Variants in COL24A1 observed in about 807,000 individuals in gnomAD.
The protein encoded by COL24A1 is collagen alpha-1(XXIV) chain.
A neutral mutation model predicts 253.9 loss-of-function variants in COL24A1; 224 were observed. The observed-to-expected ratio is 0.88, with a 90% CI of 0.79 to 0.99. The LOEUF is 0.99. Ranked by LOEUF, COL24A1 falls within the 50% of genes least tolerant of loss-of-function variation. The pLI is 0.00. For missense variants in COL24A1, 2,131 were observed against 2,068.5 expected (o/e 1.03, Z -0.59); for synonymous variants, 685 against 673.7 (o/e 1.02, Z -0.26).
At chr1:86,031,284 T>C (rs1014200643) in intron 14 of COL24A1, among the ~76,000 whole-genome samples, 7 of 151,730 alleles carry the variant, frequency 4.6e-5, no homozygotes, top group Admixed American at 2.6e-4. Context: ...GTATGATAAA[T>C]AGGTACAAAA....
intron 5 of COL24A1, 118 bp downstream of exon 5, chr1:86,112,449 G>A (rs1705708152): frequency 2.5e-6 from 2 of 790,142 alleles, no homozygotes; most frequent in Non-Finnish European, 2.0e-6. Flanking sequence ...ATGCTCTGGA[G>A]GTGACAGAGA....
At chr1:85,961,860 A>T (rs575566185) in intron 23 of COL24A1, among the ~76,000 whole-genome samples, 1 of 152,260 alleles carries the variant, frequency 6.6e-6, no homozygotes, top group South Asian at 2.1e-4. Context: ...TATCCCAAGA[A>T]TAGCAAGGCG....
intron 31 of COL24A1, among the ~76,000 whole-genome samples, chr1:85,892,853 A>G (rs896732242): frequency 2.0e-5 from 3 of 152,102 alleles, no homozygotes; most frequent in Non-Finnish European, 4.4e-5. Flanking sequence ...ATGGAAAATT[A>G]TGAGAAGAAA....
chr1:86,012,484 G>A (rs973925127), intron 19 of COL24A1, among the ~76,000 whole-genome samples: 1 of 152,192 alleles, frequency 6.6e-6, no homozygotes, highest in African/African-American at 2.4e-5. Context: ...AGCTACCTGG[G>A]AGGCTGAGGC....
At chr1:85,798,517 T>G (rs973758853) in intron 47 of COL24A1, among the ~76,000 whole-genome samples, 1 of 152,156 alleles carries the variant, frequency 6.6e-6, no homozygotes. Flanking sequence ...CAAAATACTG[T>G]GAAGAAAAAA....
rs562872549 is a variant in COL24A1 at position 85,949,333 on chromosome 1, C to T, written c.2562+11916G>A. Reference sequence around the variant, plus strand: ...ATATCTAATACACAGGAAGAAAGTGCTAAAAATTACAAAAGACTACATTTT... The same window carrying T: ...ATATCTAATACACAGGAAGAAAGTGTTAAAAATTACAAAAGACTACATTTT... On this transcript the variant is annotated intron_variant, in intron 24 of 59. Coordinates refer to ENST00000370571, the MANE Select transcript of COL24A1 (RefSeq NM_152890.7). Among the ~76,000 whole-genome samples the T allele has an allele frequency of 2.4e-4, 36 of 152,048 alleles. No homozygotes were observed. The East Asian group carries it at 4.8e-3, about 20-fold the overall frequency.
chr1:85,736,976 T>C (rs7530774), intron 58 of COL24A1, among the ~76,000 whole-genome samples: 5,693 of 152,204 alleles, frequency 0.037, 383 homozygotes, highest in African/African-American at 0.13. Context: ...ATGTGCCCAA[T>C]AACCATAAAT....
chr1:86,032,416 C>T (rs1698655937), intron 13 of COL24A1, among the ~76,000 whole-genome samples: 1 of 152,028 alleles, frequency 6.6e-6, no homozygotes, highest in Non-Finnish European at 1.5e-5. Context: ...GTAAATATCA[C>T]AATGAAATTT....
At chr1:85,836,803 G>T (rs1164354704) in intron 43 of COL24A1, among the ~76,000 whole-genome samples, 1 of 152,158 alleles carries the variant, frequency 6.6e-6, no homozygotes, top group East Asian at 1.9e-4. Flanking sequence ...ATTATCAGGG[G>T]TATACAAGGA....
intron 12 of COL24A1, among the ~76,000 whole-genome samples, chr1:86,044,734 G>A (rs1037325773): frequency 6.6e-6 from 1 of 152,062 alleles, no homozygotes; most frequent in African/African-American, 2.4e-5. Context: ...ACCAGAAGTT[G>A]TCTATAAAGG....
chr1:85,869,252 T>C (rs1205977191), intron 35 of COL24A1, among the ~76,000 whole-genome samples: 1 of 152,196 alleles, frequency 6.6e-6, no homozygotes, highest in African/African-American at 2.4e-5. Context: ...TTATGACCAC[T>C]CTACCAGATT....
intron 28 of COL24A1, among the ~76,000 whole-genome samples, chr1:85,905,361 T>G (rs1684702736): frequency 6.6e-6 from 1 of 152,040 alleles, no homozygotes. Flanking sequence ...TAGTGGGGAA[T>G]GGATTGAAGA....
intron 22 of COL24A1, among the ~76,000 whole-genome samples, 186 bp from the exon 23 acceptor site, chr1:85,965,248 G>A (rs994822065): frequency 6.6e-6 from 1 of 151,958 alleles, no homozygotes; most frequent in African/African-American, 2.4e-5. Context: ...TCTACTATGT[G>A]CCATGAACGG....
chr1:85,818,868 C>T (rs1673309535), intron 45 of COL24A1, among the ~76,000 whole-genome samples: 1 of 152,172 alleles, frequency 6.6e-6, no homozygotes, highest in Non-Finnish European at 1.5e-5. Context: ...GATAATCCCA[C>T]TAAAATGGGA....
At chr1:86,127,610 C>T (rs1047320326) in intron 2 of COL24A1, among the ~76,000 whole-genome samples, 8 of 151,928 alleles carry the variant, frequency 5.3e-5, no homozygotes, top group Non-Finnish European at 1.2e-4. Context: ...TTATAAATTT[C>T]CCATCTGTAT....
intron 24 of COL24A1, among the ~76,000 whole-genome samples, chr1:85,934,231 C>T (rs1688058517): frequency 6.6e-6 from 1 of 152,130 alleles, no homozygotes; most frequent in Non-Finnish European, 1.5e-5. Flanking sequence ...CTGCCATATC[C>T]TACTCATTAG....
chr1:85,744,651 T>C lies in COL24A1; in HGVS notation c.4672+15A>G. On this transcript the variant is annotated intron_variant, in intron 57 of 59. Coordinates refer to ENST00000370571, the MANE Select transcript of COL24A1 (RefSeq NM_152890.7). The stretch of plus-strand genomic sequence containing the variant: ...TGAAATTCACTATCAGAGTTTGAGG[T>C]AACCAAGAACTTACCATCTGATACT... The C allele has an allele frequency of 6.3e-7, 1 of 1,588,370 alleles. No individual in the cohort carries two copies. The highest frequency in any genetic ancestry group is 8.6e-7 in the Non-Finnish European group (1 of 1,164,426).
At chr1:85,785,693 GA>G (rs1264071468) in intron 48 of COL24A1, among the ~76,000 whole-genome samples, 1 of 152,198 alleles carries the variant, frequency 6.6e-6, no homozygotes, top group African/African-American at 2.4e-5. Flanking sequence ...TCAGAAATCT[GA>G]AAATTCTTTA....
At chr1:85,973,388 G>C (rs1410270783) in intron 20 of COL24A1, among the ~76,000 whole-genome samples, 1 of 152,100 alleles carries the variant, frequency 6.6e-6, no homozygotes, top group Non-Finnish European at 1.5e-5. Context: ...AGTTGTAACA[G>C]AAGTAGAGGT....
Sources: gnomAD v4.1 joint callset for allele counts (sites outside exome capture counted in the v4.1 genomes callset) on GRCh38, gnomAD v4.1.1 for gene constraint, MANE v1.5 for transcripts, NCBI Gene and HGNC (gene_info 2026-07-23, HGNC 2026-07-21) for gene names.